The following CLEC5A variants were observed in gnomAD, a reference collection of about 807,000 sequenced individuals.
CLEC5A encodes C-type lectin domain family 5 member A.
CLEC5A carries 15 observed loss-of-function variants against 24.4 expected under a neutral mutation model. The observed-to-expected ratio is 0.62, with a 90% confidence interval of 0.41 to 0.95. The LOEUF is 0.95. CLEC5A is among the 40% of genes least tolerant of loss of function. CLEC5A has a pLI of 0.00. For missense variants in CLEC5A, 211 were observed against 224.0 expected (o/e 0.94, Z 0.37); for synonymous variants, 71 against 72.6 (o/e 0.98, Z 0.11).
chr7:141,941,615 A>G (rs1802798822), intron 4 of CLEC5A, among the ~76,000 whole-genome samples: 1 of 152,252 alleles, frequency 6.6e-6, no homozygotes, highest in Admixed American at 6.5e-5. Flanking sequence ...AGGGCATCCA[A>G]ATTGGAAAGG....
intron 5 of CLEC5A, among the ~76,000 whole-genome samples, chr7:141,933,404 A>G (rs2128960564): frequency 6.6e-6 from 1 of 151,814 alleles, no homozygotes; most frequent in Non-Finnish European, 1.5e-5. Context: ...TGCTCAGCGT[A>G]GTTAGTGCAG....
At chr7:141,937,286 G>T (rs1802659213) in intron 4 of CLEC5A, among the ~76,000 whole-genome samples, 1 of 152,020 alleles carries the variant, frequency 6.6e-6, no homozygotes, top group Admixed American at 6.6e-5. Flanking sequence ...GAGCCAGATA[G>T]GAGCCCACAG....
chr7:141,937,807 A>AG (rs1467320870), intron 4 of CLEC5A, among the ~76,000 whole-genome samples: 2 of 152,222 alleles, frequency 1.3e-5, no homozygotes, highest in Non-Finnish European at 2.9e-5. Flanking sequence ...CCCCACTCCC[A>AG]GGTCTGGGAA....
rs1420062759 is a variant in CLEC5A at position 141,929,655 on chromosome 7, G to C, written c.*449C>G. The C allele has an allele frequency of 6.5e-6, 1 of 154,170 alleles. No homozygotes were observed. Among genetic ancestry groups the C allele is most frequent in the Admixed American group, 6.5e-5 (1 of 15,364 alleles). 9.6% of individuals were successfully genotyped at this position (154,170 alleles called of 1,614,324 possible). On this transcript the variant is annotated 3_prime_UTR_variant, in exon 7 of 7. Coordinates refer to ENST00000546910, the MANE Select transcript of CLEC5A (RefSeq NM_013252.3). ...AGAGCCTCTGCTACCCTCGCTTGTG[G>C]AGTTAGGAGGGGCATGTGAATGGGG...
chr7:141,943,943 C>G lies in CLEC5A; in HGVS notation c.161G>C (p.Ser54Thr). 3 of 1,610,454 alleles carry G rather than the reference C, an allele frequency of 1.9e-6. No individual in the cohort carries two copies. The highest frequency in any genetic ancestry group is 1.7e-4 in the Middle Eastern group (1 of 6,050). Residue 54 changes from serine to threonine, a missense_variant, in exon 4 of 7, where the codon AGT becomes ACT. Physicochemically the swap from Ser to Thr is moderately conservative, Grantham distance 58. Transcript: ENST00000546910. The part of the protein sequence containing the change: ...YGTVSQIFGS[S>T]SPSPNGFITT... Reference sequence around the variant, plus strand: ...AATGAAGCCGTTGGGACTTGGGGAACTGCTCCCAAAAATCTGTGAGACTAA... The same window carrying G: ...AATGAAGCCGTTGGGACTTGGGGAAGTGCTCCCAAAAATCTGTGAGACTAA...
At chr7:141,946,074 A>G (rs1034886979) in intron 2 of CLEC5A, 140 bp downstream of exon 2, 6 of 842,860 alleles carry the variant, frequency 7.1e-6, no homozygotes, top group Admixed American at 4.9e-5. Flanking sequence ...GGCATTGCCA[A>G]TTGACCTCAG....
At chr7:141,935,340 A>T (rs1480239318) in intron 5 of CLEC5A, among the ~76,000 whole-genome samples, 1 of 152,152 alleles carries the variant, frequency 6.6e-6, no homozygotes, top group African/African-American at 2.4e-5. Flanking sequence ...TATTATCATG[A>T]TCATCAACTG....
At chr7:141,939,173 C>A (rs1433323042) in intron 4 of CLEC5A, among the ~76,000 whole-genome samples, 1 of 152,030 alleles carries the variant, frequency 6.6e-6, no homozygotes, top group African/African-American at 2.4e-5. Flanking sequence ...AGTAGAAAGA[C>A]TAAAAGATGA....
chr7:141,931,763 C>G lies in CLEC5A; in HGVS notation c.409G>C (p.Glu137Gln). 6.2e-7 allele frequency: 1 copy of G among 1,607,296 alleles called. No homozygotes were observed. The highest frequency in any genetic ancestry group is 8.5e-7 in the Non-Finnish European group (1 of 1,173,846). Residue 137 changes from glutamate (E) to glutamine (Q), a missense_variant, in exon 6 of 7, where the codon GAG (glutamate) becomes CAG (glutamine). By Grantham distance (29) the Glu-to-Gln change is conservative (BLOSUM62 2). Coordinates refer to ENST00000546910, the MANE Select transcript of CLEC5A (RefSeq NM_013252.3). ...TTGTTGATCCAACGCCACCTTTTCT[C>G]TTCACGATGGTAAATTAAGCCAATA... Reference protein sequence around the residue: ...YFIGLIYHREEKRWRWINNSV... With the variant: ...YFIGLIYHREQKRWRWINNSV...
chr7:141,938,180 G>A (rs1338570324), intron 4 of CLEC5A, among the ~76,000 whole-genome samples: 2 of 152,180 alleles, frequency 1.3e-5, no homozygotes, highest in African/African-American at 2.4e-5. Flanking sequence ...GGTAAATAAG[G>A]CACCAGGGAC....
rs1208259111 is a variant in CLEC5A at position 141,928,387 on chromosome 7, C to T, written c.*1717G>A. On this transcript the variant is annotated 3_prime_UTR_variant, in exon 7 of 7. Coordinates refer to ENST00000546910, the MANE Select transcript of CLEC5A (RefSeq NM_013252.3). ...TCTCAAAACAGAAGGATTAGGATTT[C>T]CTTTCTGTTGTCTGAGTTCTGGGGC... 1 of 152,534 alleles carries T rather than the reference C, an allele frequency of 6.6e-6. No individual in the cohort carries two copies. Among genetic ancestry groups the T allele is most frequent in the Non-Finnish European group, 1.5e-5 (1 of 68,034 alleles). The allele number at this position is 152,534 out of a possible 1,614,324, so 9.4% of individuals were successfully genotyped here. A position where few individuals can be genotyped will look rare whatever the true frequency, so the allele number is the denominator to read the frequency against.
chr7:141,937,310 G>T (rs1227403985), intron 4 of CLEC5A, among the ~76,000 whole-genome samples: 1 of 152,132 alleles, frequency 6.6e-6, no homozygotes, highest in Non-Finnish European at 1.5e-5. Context: ...TAAAGGGTAG[G>T]TTCTAGGCCT....
Position 141,943,135 on chromosome 7 carries a change from G to A in CLEC5A, c.208+761C>T, listed in dbSNP as rs113982196. Among the ~76,000 whole-genome samples, 661 of 152,136 alleles carry A rather than the reference G, an allele frequency of 4.3e-3. 5 individuals are homozygous for A. Among genetic ancestry groups the A allele is most frequent in the African/African-American group, 0.015 (633 of 41,500 alleles). On this transcript the variant is annotated intron_variant, in intron 4 of 6. Transcript: ENST00000546910. ...AGACATCTGCACTCCCGTTTTTATC[G>A]CAACACTATTCACAATAGCCAAGAT...
chr7:141,934,738 G>A (rs1758963329), intron 5 of CLEC5A, among the ~76,000 whole-genome samples: 1 of 141,858 alleles, frequency 7.0e-6, no homozygotes, highest in Non-Finnish European at 1.5e-5. Flanking sequence ...CAATTCTTGT[G>A]CCTCAGCCAC....
chr7:141,934,414 C>T (rs1248301446), intron 5 of CLEC5A, among the ~76,000 whole-genome samples: 3 of 151,948 alleles, frequency 2.0e-5, no homozygotes, highest in Non-Finnish European at 4.4e-5. Flanking sequence ...GAGTACTCAC[C>T]AGTATTTGGA....
chr7:141,939,867 T>A lies in CLEC5A; in HGVS notation c.209-3917A>T, dbSNP rs368821176. ...AGGTCACTGTATAATGATAAAGGGG[T>A]CAATTCAGCAAGAGAATATAACAAT... On this transcript the variant is annotated intron_variant, in intron 4 of 6. Transcript: ENST00000546910. Among the ~76,000 whole-genome samples, 23 of 152,120 alleles carry A rather than the reference T, an allele frequency of 1.5e-4. No individual in the cohort carries two copies. The East Asian group carries it at 4.1e-3, about 27-fold the overall frequency.
At position 141,946,200 on chromosome 7, in the gene CLEC5A, G is replaced by T; in HGVS notation, c.79+14C>A. ...AACATGAAGTCTGGGGCAAGAGGTTGCTCAAATACTCACAATAAAGTAGAA... is the reference window on the plus strand; with the variant it reads ...AACATGAAGTCTGGGGCAAGAGGTTTCTCAAATACTCACAATAAAGTAGAA... On this transcript the variant is annotated intron_variant, in intron 2 of 6. Transcript: ENST00000546910. 1 of 1,556,580 alleles carries T rather than the reference G, an allele frequency of 6.4e-7. No homozygotes were observed. The highest frequency in any genetic ancestry group is 1.2e-5 in the South Asian group (1 of 84,458).
Position 141,929,612 on chromosome 7 carries a change from C to G in CLEC5A, c.*492G>C, listed in dbSNP as rs1802390433. On this transcript the variant is annotated 3_prime_UTR_variant, in exon 7 of 7. Coordinates refer to ENST00000546910, the MANE Select transcript of CLEC5A (RefSeq NM_013252.3). ...ACTAGGAGCCCTCCCCAAGGCCAAG[C>G]CTTAGTTCAGACTGAGGAGAGCCTC... 1 of 153,086 alleles carries G rather than the reference C, an allele frequency of 6.5e-6. No individual in the cohort carries two copies. Among genetic ancestry groups the G allele is most frequent in the African/African-American group, 2.4e-5 (1 of 41,444 alleles). 9.5% of individuals were successfully genotyped at this position (153,086 alleles called of 1,614,324 possible). A position where few individuals can be genotyped will look rare whatever the true frequency, so the allele number is the denominator to read the frequency against.
intron 4 of CLEC5A, among the ~76,000 whole-genome samples, chr7:141,941,984 G>A (rs1168784517): frequency 6.6e-6 from 1 of 151,918 alleles, no homozygotes; most frequent in East Asian, 1.9e-4. Flanking sequence ...AATCAATATT[G>A]TTAAAATGTC....
Sources: gnomAD v4.1 joint callset for allele counts (sites outside exome capture counted in the v4.1 genomes callset) on GRCh38, gnomAD v4.1.1 for gene constraint, MANE v1.5 for transcripts, NCBI Gene and HGNC (gene_info 2026-07-23, HGNC 2026-07-21) for gene names.